The following SLC4A8 variants were observed in gnomAD, a reference collection of about 807,000 sequenced individuals.
SLC4A8 encodes solute carrier family 4 member 8, also known as electroneutral sodium bicarbonate exchanger 1.
A neutral mutation model predicts 125.0 loss-of-function variants in SLC4A8; 40 were observed. The observed-to-expected ratio is 0.32, with a 90% CI of 0.25 to 0.42. The LOEUF (loss-of-function observed/expected upper bound fraction) is 0.42. Among genes scored for constraint, SLC4A8 ranks in the 10% least tolerant of loss-of-function variants. The probability of loss-of-function intolerance (pLI) is 1.00; values close to 1 mark genes in which losing one functional copy is unlikely to be tolerated. For synonymous variants in SLC4A8, 456 were observed against 476.0 expected (o/e 0.96, Z 0.55); for missense variants, 863 against 1,355.1 (o/e 0.64, Z 5.70).
Position 51,507,509 on chromosome 12 carries a change from C to T in SLC4A8, c.*71C>T, listed in dbSNP as rs369129408. The stretch of plus-strand genomic sequence containing the variant: ...GAAGTTCTGGTTACAGAGAAAATGG[C>T]GAGTCTCTCAGAGAAGAAGCAAGAC... On this transcript the variant is annotated 3_prime_UTR_variant, in exon 25 of 25. Coordinates refer to ENST00000453097, the MANE Select transcript of SLC4A8 (RefSeq NM_001039960.3). 5.7e-4 allele frequency: 658 copies of T among 1,155,828 alleles called. No homozygotes were observed. Among genetic ancestry groups the T allele is most frequent in the Non-Finnish European group, 7.0e-4 (606 of 867,884 alleles). 71.6% of individuals were successfully genotyped at this position (1,155,828 alleles called of 1,614,324 possible).
At chr12:51,442,738 T>C (rs1005369003) in intron 2 of SLC4A8, among the ~76,000 whole-genome samples, 2 of 152,210 alleles carry the variant, frequency 1.3e-5, no homozygotes, top group African/African-American at 4.8e-5. Context: ...ATCTCAGGCC[T>C]GATGTGGTTT....
chr12:51,426,242 T>C (rs1375955403), intron 1 of SLC4A8, among the ~76,000 whole-genome samples: 1 of 152,222 alleles, frequency 6.6e-6, no homozygotes, highest in Non-Finnish European at 1.5e-5. Context: ...TACATCCTTC[T>C]TTCCTTGCTC....
intron 16 of SLC4A8, among the ~76,000 whole-genome samples, chr12:51,481,569 G>A (rs1015061749): frequency 3.3e-5 from 5 of 152,104 alleles, no homozygotes. Context: ...ACAGCAGGGG[G>A]CAGGGGCAGG....
At chr12:51,434,590 A>G (rs1949341946) in intron 1 of SLC4A8, among the ~76,000 whole-genome samples, 2 of 152,194 alleles carry the variant, frequency 1.3e-5, no homozygotes. Flanking sequence ...GGAAACTAAC[A>G]AACAGCAAGA....
intron 16 of SLC4A8, among the ~76,000 whole-genome samples, chr12:51,477,309 C>A (rs567171190): frequency 6.6e-6 from 1 of 152,302 alleles, no homozygotes; most frequent in South Asian, 2.1e-4. Flanking sequence ...CATTTCACTA[C>A]AAAACCTGTG....
At position 51,504,060 on chromosome 12, in the gene SLC4A8, A is replaced by G. The variant is rs1227820972; in HGVS notation, c.3113A>G (p.Asp1038Gly). ...EAEKMLEIGGDKFPLESRKLL... is the reference protein window; with the variant it reads ...EAEKMLEIGGGKFPLESRKLL... ...GAGAAAATGTTAGAAATTGGGGGAG[A>G]CAAGTTTCCCTTAGAGAGCAGGAAG... Residue 1038 changes from aspartate (D) to glycine (G), a missense_variant, in exon 23 of 25, where the codon GAC (aspartate) becomes GGC (glycine). Asp to Gly is a moderately conservative substitution (Grantham distance 94, BLOSUM62 -1). This residue lies in a region of SLC4A8 where 92 missense variants were observed against 125.6 expected (regional missense o/e 0.73). Transcript: ENST00000453097. 5 of 1,588,100 alleles carry G rather than the reference A, an allele frequency of 3.1e-6. No individual in the cohort carries two copies. In the Middle Eastern group the frequency reaches 5.0e-4, roughly 158 times the overall value.
intron 21 of SLC4A8, 115 bp downstream of exon 21, chr12:51,495,233 A>C: frequency 3.5e-6 from 3 of 852,142 alleles, no homozygotes; most frequent in Non-Finnish European, 5.3e-6. Context: ...CATTAAGTAC[A>C]TTCACATTGC....
chr12:51,479,231 T>C (rs1001095578), intron 16 of SLC4A8, among the ~76,000 whole-genome samples: 1 of 152,188 alleles, frequency 6.6e-6, no homozygotes, highest in East Asian at 1.9e-4. Context: ...GTTACTGAAG[T>C]TGCTGACTCC....
chr12:51,497,433 C>T (rs1203470116), intron 22 of SLC4A8: 1 of 236,486 alleles, frequency 4.2e-6, no homozygotes, highest in Non-Finnish European at 8.2e-6. Flanking sequence ...TTCAAAAGGT[C>T]TAATTTGACA....
intron 24 of SLC4A8, among the ~76,000 whole-genome samples, chr12:51,506,410 TC>T (rs1435953187): frequency 2.0e-5 from 3 of 152,090 alleles, no homozygotes; most frequent in Non-Finnish European, 4.4e-5. Context: ...GTTTTTTTTT[TC>T]TTTCTTTCTT....
intron 17 of SLC4A8, among the ~76,000 whole-genome samples, chr12:51,487,152 A>G (rs1165135509): frequency 6.6e-6 from 1 of 152,172 alleles, no homozygotes; most frequent in African/African-American, 2.4e-5. Flanking sequence ...GGAGAAAGGG[A>G]AACGGGAGAA....
Position 51,469,705 on chromosome 12 carries a change from T to G in SLC4A8, c.1441T>G (p.Ser481Ala), listed in dbSNP as rs967996815. 1 of 1,614,064 alleles carries G rather than the reference T, an allele frequency of 6.2e-7. No homozygotes were observed. Among genetic ancestry groups the G allele is most frequent in the Non-Finnish European group, 8.5e-7 (1 of 1,180,006 alleles). ...TGCACTCAGCTTACAGTGTTTGGCT[T>G]CCTTTCTGTTCCTGTACTGTGCCTG... is the stretch of plus-strand genomic sequence containing the variant. Reference protein sequence around the residue: ...RDALSLQCLASFLFLYCACMS... With the variant: ...RDALSLQCLAAFLFLYCACMS... Residue 481 changes from serine (S) to alanine (A), a missense_variant, in exon 12 of 25, where the codon TCC becomes GCC. Coordinates refer to ENST00000453097, the MANE Select transcript of SLC4A8 (RefSeq NM_001039960.3).
intron 10 of SLC4A8, 80 bp from the exon 11 acceptor site, chr12:51,463,534 A>G: frequency 1.9e-6 from 2 of 1,067,030 alleles, no homozygotes; most frequent in Non-Finnish European, 2.9e-6. Context: ...CTTTTGGGTT[A>G]TCCCATTCCC....
intron 14 of SLC4A8, among the ~76,000 whole-genome samples, chr12:51,474,033 C>A (rs1216751362): frequency 1.0e-5 from 1 of 99,952 alleles, no homozygotes; most frequent in African/African-American, 3.7e-5. Flanking sequence ...AACAAAAAAA[C>A]AAAACAAAAA....
At chr12:51,491,740 G>GACACACACACACACACACACAC (rs35694156) in intron 19 of SLC4A8, among the ~76,000 whole-genome samples, 17 of 146,034 alleles carry the variant, frequency 1.2e-4, no homozygotes, top group East Asian at 6.0e-4. Flanking sequence ...GGGATGGGCA[G>GACACACACACACACACACACAC]ACACACACAC....
intron 2 of SLC4A8, among the ~76,000 whole-genome samples, chr12:51,445,987 T>C (rs1949762459): frequency 6.6e-6 from 1 of 152,190 alleles, no homozygotes. Context: ...GTCTCAGTAG[T>C]GTGCTACAGG....
upstream of SLC4A8, among the ~76,000 whole-genome samples, chr12:51,422,502 A>C (rs1217973999): frequency 6.6e-6 from 1 of 152,128 alleles, no homozygotes; most frequent in Non-Finnish European, 1.5e-5. Context: ...CTGCAGGTGC[A>C]TGCCACCATG....
chr12:51,492,742 A>T (rs1472954184), intron 19 of SLC4A8, among the ~76,000 whole-genome samples: 1 of 152,142 alleles, frequency 6.6e-6, no homozygotes, highest in Non-Finnish European at 1.5e-5. Flanking sequence ...TTACCTAGGT[A>T]TACATGTGCC....
rs1380816071 is a variant in SLC4A8 at position 51,454,340 on chromosome 12, G to A, written c.574+641G>A. ...GTGGGTGTTTCTCATAAGGTGGGAC[G>A]AGAGATTTGGAAAAGAAAAAGACAC... is the stretch of plus-strand genomic sequence containing the variant. On this transcript the variant is annotated intron_variant, in intron 5 of 24. Transcript: ENST00000453097. 2.6e-5 allele frequency among the ~76,000 whole-genome samples: 4 copies of A among 151,740 alleles called. No individual in the cohort carries two copies. The East Asian group carries it at 7.7e-4, about 29-fold the overall frequency.
Sources: allele counts gnomAD v4.1 joint callset (sites outside exome capture counted in the v4.1 genomes callset), GRCh38; gene constraint gnomAD v4.1.1; regional missense constraint gnomAD v4.1.1; transcripts MANE v1.5; gene names NCBI Gene and HGNC (gene_info 2026-07-23, HGNC 2026-07-21).